SASH1: variants seen among roughly 807,000 people sequenced by gnomAD.
SASH1 encodes SAM and SH3 domain-containing protein 1.
Under a neutral mutation model 125.2 loss-of-function variants are expected in SASH1, and 44 were observed. The ratio of observed to expected loss-of-function variants is 0.35; its 90% confidence interval spans 0.28 to 0.45. SASH1 has a LOEUF of 0.45. Ranked by LOEUF, SASH1 falls within the 20% of genes least tolerant of loss-of-function variation. The pLI is 1.00. For synonymous variants in SASH1, 639 were observed against 649.1 expected (o/e 0.98, Z 0.24); for missense variants, 1,426 against 1,614.5 (o/e 0.88, Z 2.00).
intron 2 of SASH1, among the ~76,000 whole-genome samples, chr6:148,406,449 C>A (rs76325990): frequency 6.6e-6 from 1 of 152,182 alleles, no homozygotes. Flanking sequence ...TTCCTACTTG[C>A]CAGTATTCAA....
chr6:148,399,008 C>T (rs1784061912), intron 2 of SASH1, among the ~76,000 whole-genome samples: 1 of 152,160 alleles, frequency 6.6e-6, no homozygotes, highest in Non-Finnish European at 1.5e-5. Flanking sequence ...TCTTGGCATT[C>T]TGTACCTTTG....
At chr6:148,364,182 A>G (rs1200625355) in intron 1 of SASH1, among the ~76,000 whole-genome samples, 2 of 152,204 alleles carry the variant, frequency 1.3e-5, no homozygotes, top group African/African-American at 4.8e-5. Context: ...CAAAACCTCC[A>G]TCACTTCCCT....
At chr6:148,381,490 T>C (rs1363631459) in intron 1 of SASH1, among the ~76,000 whole-genome samples, 2 of 151,380 alleles carry the variant, frequency 1.3e-5, no homozygotes, top group African/African-American at 4.9e-5. Context: ...CATGTAAGGG[T>C]GTGCTGAGGA....
the SASH1 span, among the ~76,000 whole-genome samples, chr6:148,205,036 C>T: frequency 6.6e-6 from 1 of 152,184 alleles, no homozygotes; most frequent in Non-Finnish European, 1.5e-5. Context: ...CTGTTCTCCT[C>T]ACAATGGGTA....
At chr6:148,211,408 T>TAATAATATAAAAATAATAAAAA in the SASH1 span, among the ~76,000 whole-genome samples, 1,459 of 152,148 alleles carry the variant, frequency 9.6e-3, 23 homozygotes, top group African/African-American at 0.033. Context: ...CCATCTCTAC[T>TAATAATATAAAAATAATAAAAA]AATAATATAA....
At chr6:148,239,515 C>A in the SASH1 span, among the ~76,000 whole-genome samples, 7 of 152,144 alleles carry the variant, frequency 4.6e-5, no homozygotes, top group Non-Finnish European at 7.3e-5. Flanking sequence ...AATCTGGACT[C>A]CTTTTCATTG....
chr6:148,320,983 T>C (rs1002341881), intron 1 of SASH1, among the ~76,000 whole-genome samples: 4 of 152,232 alleles, frequency 2.6e-5, no homozygotes, highest in South Asian at 4.1e-4. Context: ...CCATAATGCC[T>C]CAAGGCTGCA....
In SASH1 at chr6:148,514,458, TAA is replaced by T. The variant is rs10710533; in HGVS notation, c.862+29_862+30del. On this transcript the variant is annotated splice_donor_region_variant and intron_variant, in intron 9 of 19. Coordinates refer to ENST00000367467, the MANE Select transcript of SASH1 (RefSeq NM_015278.5). ...AAATGAAAAAACCCAGCACTGAAGG[TAA>T]AAAAAAAAAAAAAAAAAAAAAAAAA... 0.083 allele frequency: 46,760 copies of T among 564,818 alleles called. 136 individuals carry two copies. Among genetic ancestry groups the T allele is most frequent in the Non-Finnish European group, 0.086 (40,925 of 475,438 alleles). 35.0% of individuals were successfully genotyped at this position (564,818 alleles called of 1,614,324 possible). A position where few individuals can be genotyped will look rare whatever the true frequency, so the allele number is the denominator to read the frequency against.
At chr6:148,219,899 G>T in the SASH1 span, among the ~76,000 whole-genome samples, 1 of 152,134 alleles carries the variant, frequency 6.6e-6, no homozygotes, top group Non-Finnish European at 1.5e-5. Context: ...CATGCAAAAT[G>T]GTGCATGGTA....
At position 148,326,331 on chromosome 6, in the gene SASH1, T is replaced by TATATATATATATATGC. The variant is rs1554235274; in HGVS notation, n.74+53968_74+53969insGCATATATATATATAT. Among the ~76,000 whole-genome samples the TATATATATATATATGC allele has an allele frequency of 9.4e-4, 59 of 62,780 alleles. 9 individuals carry two copies. The highest frequency in any genetic ancestry group is 3.7e-3 in the African/African-American group (54 of 14,414). 41.2% of individuals were successfully genotyped at this position (62,780 alleles called of 152,430 possible). On this transcript the variant is annotated intron_variant and non_coding_transcript_variant, in intron 1 of 3. Transcript: ENST00000367469. ...GAGTGAGCCACCGCATGCATATATA[T>TATATATATATATATGC]ATATATATATATATATATATATATA...
chr6:148,470,252 G>T (rs1271372304), intron 5 of SASH1, among the ~76,000 whole-genome samples: 4 of 152,128 alleles, frequency 2.6e-5, no homozygotes, highest in Non-Finnish European at 5.9e-5. Flanking sequence ...ACAGCTCTGG[G>T]GGCTGTCAAA....
Position 148,533,368 on chromosome 6 carries a change from G to C in SASH1, c.1734+402G>C, listed in dbSNP as rs1243133354. Among the ~76,000 whole-genome samples the C allele has an allele frequency of 6.6e-6, 1 of 152,206 alleles. No homozygotes were observed. Among genetic ancestry groups the C allele is most frequent in the Non-Finnish European group, 1.5e-5 (1 of 68,028 alleles). On this transcript the variant is annotated intron_variant, in intron 14 of 19. Coordinates refer to ENST00000367467, the MANE Select transcript of SASH1 (RefSeq NM_015278.5). This position sits in a 1 kb window ranked among gnomAD's most constrained non-coding sequence, Gnocchi z 6.2. ...GATGGGGTTCCACAAAGTGTGTGCA[G>C]CCATGACAGGGCCGGGATTGCCACT... is the stretch of plus-strand genomic sequence containing the variant.
At chr6:148,389,682 C>G (rs1783618461) in intron 1 of SASH1, among the ~76,000 whole-genome samples, 1 of 152,080 alleles carries the variant, frequency 6.6e-6, no homozygotes, top group Admixed American at 6.5e-5. Flanking sequence ...TATGAGCTTC[C>G]CAGTAGGTGG....
chr6:148,337,848 T>A (rs1781206478), upstream of SASH1, among the ~76,000 whole-genome samples: 1 of 152,220 alleles, frequency 6.6e-6, no homozygotes, highest in Non-Finnish European at 1.5e-5. Flanking sequence ...TTTTCACTCA[T>A]TTGTGACAAC....
chr6:148,440,143 T>C (rs777720506), intron 2 of SASH1, 41 bp from the exon 3 acceptor site: 6 of 1,594,416 alleles, frequency 3.8e-6, no homozygotes, highest in Non-Finnish European at 5.2e-6. Context: ...GCGTGTGACA[T>C]GTTTGGAAGT....
the SASH1 span, among the ~76,000 whole-genome samples, chr6:148,195,728 G>A: frequency 2.6e-5 from 4 of 152,104 alleles, no homozygotes; most frequent in Non-Finnish European, 4.4e-5. Context: ...CCTCTCTTAC[G>A]CGCCTTTTAG....
At chr6:148,351,814 G>GTTTT (rs1260717386) in intron 1 of SASH1, among the ~76,000 whole-genome samples, 1 of 149,066 alleles carries the variant, frequency 6.7e-6, no homozygotes, top group Non-Finnish European at 1.5e-5. Context: ...ATGTTTATGT[G>GTTTT]TGTGTGTGCT....
At chr6:148,538,756 T>G (rs1418535333) in intron 16 of SASH1, among the ~76,000 whole-genome samples, 1 of 152,198 alleles carries the variant, frequency 6.6e-6, no homozygotes, top group African/African-American at 2.4e-5. Flanking sequence ...AGGCATCACA[T>G]TTCTGGCTTA....
At position 148,548,615 on chromosome 6, in the gene SASH1, G is replaced by A; in HGVS notation, c.*57G>A. On this transcript the variant is annotated 3_prime_UTR_variant, in exon 20 of 20. Coordinates refer to ENST00000367467, the MANE Select transcript of SASH1 (RefSeq NM_015278.5). ...GCCACCCTTTCACTGTGCATATGAT[G>A]CTGATGCAATTCCTCCATCATCTCT... 6.6e-7 allele frequency: 1 copy of A among 1,509,704 alleles called. No homozygotes were observed. The highest frequency in any genetic ancestry group is 8.9e-7 in the Non-Finnish European group (1 of 1,126,968). The allele number at this position is 1,509,704 out of a possible 1,614,324, so 93.5% of individuals were successfully genotyped here.
Sources: gnomAD v4.1 joint callset for allele counts (sites outside exome capture counted in the v4.1 genomes callset) on GRCh38, gnomAD v4.1.1 for gene constraint, Gnocchi (gnomAD v3.1) non-coding constraint, MANE v1.5 for transcripts, NCBI Gene and HGNC (gene_info 2026-07-23, HGNC 2026-07-21) for gene names.